DNAH12: variants seen among roughly 807,000 people sequenced by gnomAD.
The protein encoded by DNAH12 is axonemal beta dynein heavy chain 12.
Under a neutral mutation model 371.5 loss-of-function variants are expected in DNAH12, and 285 were observed. That is an observed-to-expected ratio of 0.77 (90% confidence interval 0.70 to 0.85). The LOEUF is 0.85. Among genes scored for constraint, DNAH12 ranks in the 40% least tolerant of loss-of-function variants. DNAH12 has a pLI of 0.00. For missense variants in DNAH12, 3,611 were observed against 3,689.4 expected, an observed-to-expected ratio of 0.98 and a Z score of 0.55; for synonymous variants, 1,200 against 1,213.0, an observed-to-expected ratio of 0.99 and a Z score of 0.22.
intron 2 of DNAH12, among the ~76,000 whole-genome samples, chr3:57,525,100 A>G (rs962614698): frequency 6.6e-6 from 1 of 151,864 alleles, no homozygotes; most frequent in African/African-American, 2.4e-5. Context: ...GGAATGACGA[A>G]AAACAACAAT....
At position 57,504,105 on chromosome 3, in the gene DNAH12, C is replaced by T. The variant is rs766587149; in HGVS notation, c.997G>A (p.Asp333Asn). The stretch of plus-strand genomic sequence containing the variant: ...GGATAAAATTCCATTTTGTCGTCAT[C>T]AAATGTCAATTCTATCTTAAATATT... ...LPIFKIELTF[D>N]DDKMEFYPTF... The change falls in exon 9 of 74, where the codon GAT becomes AAT. Residue 333 changes from aspartate to asparagine, a missense_variant. Transcript: ENST00000495027. 3 of 1,613,792 alleles carry T rather than the reference C, an allele frequency of 1.9e-6. No individual in the cohort carries two copies. Among genetic ancestry groups the T allele is most frequent in the East Asian group, 4.5e-5 (2 of 44,860 alleles).
intron 29 of DNAH12, among the ~76,000 whole-genome samples, chr3:57,439,077 C>T (rs967817879): frequency 1.2e-4 from 19 of 152,066 alleles, no homozygotes; most frequent in African/African-American, 4.6e-4. Context: ...AATGGAAAAA[C>T]ATCCCATGCT....
At chr3:57,533,421 C>T (rs1159772228) in intron 2 of DNAH12, among the ~76,000 whole-genome samples, 1 of 152,124 alleles carries the variant, frequency 6.6e-6, no homozygotes, top group Non-Finnish European at 1.5e-5. Flanking sequence ...TCACCATAGC[C>T]AACAGGGCTG....
intron 37 of DNAH12, among the ~76,000 whole-genome samples, chr3:57,417,263 A>T: frequency 6.6e-6 from 1 of 152,184 alleles, no homozygotes; most frequent in East Asian, 1.9e-4. Context: ...AAAAAATTTA[A>T]AAAAAGACAA....
chr3:57,362,269 A>T (rs1034711780), intron 58 of DNAH12, among the ~76,000 whole-genome samples: 6 of 152,264 alleles, frequency 3.9e-5, no homozygotes, highest in South Asian at 2.1e-4. Context: ...TCTATCATTG[A>T]TGGACATTTG....
chr3:57,344,863 G>A (rs2062498920), intron 60 of DNAH12, among the ~76,000 whole-genome samples: 1 of 152,126 alleles, frequency 6.6e-6, no homozygotes, highest in African/African-American at 2.4e-5. Flanking sequence ...CAATAGCACT[G>A]TAGGATGAGT....
intron 13 of DNAH12, among the ~76,000 whole-genome samples, chr3:57,481,552 C>G (rs369841750): frequency 1.3e-5 from 2 of 152,104 alleles, no homozygotes; most frequent in South Asian, 4.2e-4. Flanking sequence ...ACTTTCTTCA[C>G]AGAATTGGAA....
intron 52 of DNAH12, among the ~76,000 whole-genome samples, chr3:57,378,927 T>C (rs1204198834): frequency 1.3e-5 from 2 of 152,194 alleles, no homozygotes; most frequent in African/African-American, 2.4e-5. Context: ...ATTCTACTCA[T>C]GATCCCTGCT....
intron 39 of DNAH12, among the ~76,000 whole-genome samples, chr3:57,411,526 CAAAAAAAAAA>C (rs57344840): frequency 1.5e-4 from 6 of 39,154 alleles, no homozygotes; most frequent in East Asian, 1.3e-3. Context: ...GACACTGTCT[CAAAAAAAAAA>C]AAAAAAAAAA....
At chr3:57,408,167 A>G (rs1261530934) in intron 40 of DNAH12, 113 bp downstream of exon 40, 9 of 1,210,632 alleles carry the variant, frequency 7.4e-6, no homozygotes, top group East Asian at 5.6e-5. Flanking sequence ...CTGGTCTTCT[A>G]AACAGTTTCT....
chr3:57,355,532 A>G (rs964524718), intron 59 of DNAH12, among the ~76,000 whole-genome samples: 1 of 150,934 alleles, frequency 6.6e-6, no homozygotes, highest in Non-Finnish European at 1.5e-5. Flanking sequence ...TATGCAATCA[A>G]TTCTTTTGGG....
intron 4 of DNAH12, among the ~76,000 whole-genome samples, chr3:57,513,898 T>G (rs967168255): frequency 6.6e-6 from 1 of 152,188 alleles, no homozygotes; most frequent in Non-Finnish European, 1.5e-5. Flanking sequence ...AGACTACATA[T>G]TGAAGTCCCA....
At chr3:57,550,142 A>G in the DNAH12 span, among the ~76,000 whole-genome samples, 5 of 152,020 alleles carry the variant, frequency 3.3e-5, 1 homozygote, top group South Asian at 8.3e-4. Flanking sequence ...GCGAGACCCC[A>G]TCTCTACAAA....
the DNAH12 span, among the ~76,000 whole-genome samples, chr3:57,549,922 C>T: frequency 6.6e-6 from 1 of 152,062 alleles, no homozygotes; most frequent in African/African-American, 2.4e-5. Context: ...CCATACCTGG[C>T]TTACTATCTT....
chr3:57,331,417 C>A (rs925177087), intron 62 of DNAH12, among the ~76,000 whole-genome samples: 2 of 152,114 alleles, frequency 1.3e-5, no homozygotes, highest in African/African-American at 4.8e-5. Context: ...CTTAAAGTGA[C>A]TCTCTAGTTA....
At chr3:57,454,480 C>CA (rs5849208) in intron 23 of DNAH12, among the ~76,000 whole-genome samples, 31,251 of 121,888 alleles carry the variant, frequency 0.26, 3,811 homozygotes, top group African/African-American at 0.33. Flanking sequence ...AACTACATCT[C>CA]AAAAAAAAAA....
intron 43 of DNAH12, among the ~76,000 whole-genome samples, chr3:57,395,961 C>A (rs1179688397): frequency 6.7e-6 from 1 of 150,346 alleles, no homozygotes; most frequent in Non-Finnish European, 1.5e-5. Flanking sequence ...CTCACTCTGT[C>A]TTATTTTAAA....
In DNAH12 at chr3:57,457,712, G is replaced by A; in HGVS notation, c.3336+9C>T. On this transcript the variant is annotated intron_variant, in intron 22 of 73. Transcript: ENST00000495027. ...ATATAGGGTATATATCAAATCCTAG[G>A]AAACACACCAGCCTGGCTGCAGCGA... 1.9e-6 allele frequency: 3 copies of A among 1,545,326 alleles called. No individual in the cohort carries two copies. Among genetic ancestry groups the A allele is most frequent in the Non-Finnish European group, 2.6e-6 (3 of 1,142,054 alleles).
intron 16 of DNAH12, among the ~76,000 whole-genome samples, chr3:57,470,029 T>C (rs1296502822): frequency 6.6e-6 from 1 of 152,168 alleles, no homozygotes; most frequent in Non-Finnish European, 1.5e-5. Context: ...GCAATTTGAC[T>C]CCATACTTCT....
Sources: gnomAD v4.1 joint callset for allele counts (sites outside exome capture counted in the v4.1 genomes callset) on GRCh38, gnomAD v4.1.1 for gene constraint, MANE v1.5 for transcripts, NCBI Gene and HGNC (gene_info 2026-07-23, HGNC 2026-07-21) for gene names.